GGTA1: variants seen among roughly 807,000 people sequenced by gnomAD.
GGTA1 encodes glycoprotein alpha-galactosyltransferase 1 (inactive), also known as inactive N-acetyllactosaminide alpha-1,3-galactosyltransferase.
In GGTA1, 5 loss-of-function variants were observed where a neutral mutation model predicts 2.6. The observed-to-expected ratio is 1.92, with a 90% confidence interval of 1.00 to 4.04. The LOEUF is 4.04. GGTA1 is among the 30% of genes most tolerant of loss of function. The pLI, the probability that GGTA1 is intolerant of heterozygous loss-of-function variation, is 0.00. For synonymous variants in GGTA1, 17 were observed against 5.0 expected (o/e 3.38, Z -3.19); for missense variants, 50 against 16.7 (o/e 2.99, Z -3.47).
intron 7 of GGTA1, among the ~76,000 whole-genome samples, chr9:121,449,612 C>A (rs1452520611): frequency 2.0e-5 from 3 of 151,996 alleles, no homozygotes; most frequent in Non-Finnish European, 4.4e-5. Flanking sequence ...GAGGCCGAGG[C>A]GGGTGGATCA....
chr9:121,485,271 C>T (rs1035216154), intron 1 of GGTA1, among the ~76,000 whole-genome samples: 1 of 152,122 alleles, frequency 6.6e-6, no homozygotes, highest in Non-Finnish European at 1.5e-5. Flanking sequence ...TCAGTGCTGG[C>T]TACAAGGCAG....
downstream of GGTA1, among the ~76,000 whole-genome samples, chr9:121,453,917 C>A (rs988837327): frequency 1.3e-5 from 2 of 152,256 alleles, no homozygotes; most frequent in East Asian, 3.9e-4. Flanking sequence ...TGTCCCTTGT[C>A]CCCAAACGCT....
At chr9:121,450,911 G>A (rs1010199738), downstream of GGTA1, among the ~76,000 whole-genome samples, 3 of 152,140 alleles carry the variant, frequency 2.0e-5, no homozygotes, top group African/African-American at 7.2e-5. Context: ...GTTGGGGAAG[G>A]TTATCTTTGG....
chr9:121,466,998 A>G (rs1044502148), intron 2 of GGTA1, among the ~76,000 whole-genome samples: 8 of 151,964 alleles, frequency 5.3e-5, no homozygotes, highest in African/African-American at 1.9e-4. Context: ...TCGAATGTTA[A>G]TCCAGGCTAC....
At chr9:121,464,139 T>C (rs890444596) in intron 2 of GGTA1, among the ~76,000 whole-genome samples, 2 of 152,196 alleles carry the variant, frequency 1.3e-5, no homozygotes, top group African/African-American at 2.4e-5. Context: ...AATATCCACA[T>C]TGCAGTGGCT....
At chr9:121,498,871 A>AT (rs1202065816) in intron 1 of GGTA1, among the ~76,000 whole-genome samples, 1 of 146,456 alleles carries the variant, frequency 6.8e-6, no homozygotes, top group African/African-American at 2.5e-5. Flanking sequence ...GCGCGCTGAC[A>AT]TTTTTTTCTT....
At chr9:121,459,464 A>T (rs960364565) in intron 5 of GGTA1, among the ~76,000 whole-genome samples, 1 of 151,388 alleles carries the variant, frequency 6.6e-6, no homozygotes, top group African/African-American at 2.4e-5. Flanking sequence ...AAATCAAATG[A>T]AAAAAAAGGA....
chr9:121,465,304 A>C (rs537360614), intron 2 of GGTA1, among the ~76,000 whole-genome samples: 81 of 152,386 alleles, frequency 5.3e-4, no homozygotes, highest in Non-Finnish European at 9.7e-4. Context: ...CCAAGCAGAC[A>C]TTCCGACTCC....
At chr9:121,459,190 C>G (rs1477469233) in intron 5 of GGTA1, among the ~76,000 whole-genome samples, 2 of 152,164 alleles carry the variant, frequency 1.3e-5, no homozygotes, top group African/African-American at 2.4e-5. Flanking sequence ...GGCATGGTGG[C>G]TCACACCTGT....
At chr9:121,450,639 A>G (rs1199272606), downstream of GGTA1, among the ~76,000 whole-genome samples, 3 of 152,196 alleles carry the variant, frequency 2.0e-5, no homozygotes, top group Non-Finnish European at 4.4e-5. Flanking sequence ...TTTTGGAAAC[A>G]CCAGGATCAA....
At chr9:121,491,223 CAGG>C (rs1317800122) in intron 1 of GGTA1, among the ~76,000 whole-genome samples, 1 of 152,220 alleles carries the variant, frequency 6.6e-6, no homozygotes, top group Admixed American at 6.5e-5. Flanking sequence ...CCACAGATGC[CAGG>C]AGAATTCCTC....
chr9:121,461,436 A>G, intron 3 of GGTA1, 119 bp from the exon 4 acceptor site: 3 of 378,424 alleles, frequency 7.9e-6, no homozygotes, highest in South Asian at 6.1e-5. Flanking sequence ...TTAAAATGCC[A>G]ATTTATAAAA....
chr9:121,457,381 A>G (rs576504965), intron 5 of GGTA1, among the ~76,000 whole-genome samples: 3 of 152,316 alleles, frequency 2.0e-5, no homozygotes, highest in Non-Finnish European at 4.4e-5. Flanking sequence ...ACCTAATGCC[A>G]TGAAAATGGA....
intron 2 of GGTA1, among the ~76,000 whole-genome samples, chr9:121,463,874 A>T (rs2064980918): frequency 6.6e-6 from 1 of 152,108 alleles, no homozygotes; most frequent in Non-Finnish European, 1.5e-5. Flanking sequence ...AGAAAAAAAA[A>T]GCATCAACTG....
chr9:121,449,839 CAAA>C (rs35123086), intron 7 of GGTA1, among the ~76,000 whole-genome samples: 5 of 94,358 alleles, frequency 5.3e-5, no homozygotes, highest in African/African-American at 1.3e-4. Context: ...GACTCCATCT[CAAA>C]AAAAAAAAAA....
rs190028311 is a variant in GGTA1, at chr9:121,488,269, C to T, written c.-10+11381G>A. Among the ~76,000 whole-genome samples, 110 of 152,206 alleles carry T rather than the reference C, an allele frequency of 7.2e-4. 1 individual carries two copies. The East Asian group carries it at 0.012, about 17-fold the overall frequency. On this transcript the variant is annotated intron_variant, in intron 1 of 5. Coordinates refer to ENST00000481799, the MANE Select transcript of GGTA1 (RefSeq NM_001382585.1). Reference sequence around the variant, plus strand: ...GCCTCAAGCAATCCTCCCGCCTTAGCCTGTTAGGATGTGAACTCTTGAAGT... The same window carrying T: ...GCCTCAAGCAATCCTCCCGCCTTAGTCTGTTAGGATGTGAACTCTTGAAGT...
At position 121,499,796 on chromosome 9, in the gene GGTA1, C is replaced by T. The variant is rs1329059352; in HGVS notation, c.-156G>A. 2 of 152,052 alleles carry T rather than the reference C, an allele frequency of 1.3e-5. No individual in the cohort carries two copies. The highest frequency in any genetic ancestry group is 2.4e-5 in the African/African-American group (1 of 41,432). The allele number at this position is 152,052 out of a possible 1,614,324, so 9.4% of individuals were successfully genotyped here. On this transcript the variant is annotated 5_prime_UTR_variant, in exon 1 of 6. Coordinates refer to ENST00000481799, the MANE Select transcript of GGTA1 (RefSeq NM_001382585.1). ...GCCCGAGCGGAGGCGCGTCCTCCCG[C>T]CCGTGGGCCGGCCGGCCGGGCTTCT... is the stretch of plus-strand genomic sequence containing the variant.
intron 1 of GGTA1, 87 bp from the exon 2 acceptor site, chr9:121,468,018 C>G (rs531873231): frequency 2.4e-5 from 10 of 409,048 alleles, no homozygotes; most frequent in Non-Finnish European, 2.9e-5. Flanking sequence ...GCTTTTACCC[C>G]GTTCTTTTTT....
chr9:121,447,276 C>CTGA (rs1482228796), exon 8 of GGTA1: 2 of 152,650 alleles, frequency 1.3e-5, no homozygotes, highest in Admixed American at 1.3e-4. Flanking sequence ...CAGCCTGTAG[C>CTGA]TGAGCCACTG....
Sources: gnomAD v4.1 joint callset for allele counts (sites outside exome capture counted in the v4.1 genomes callset) on GRCh38, gnomAD v4.1.1 for gene constraint, MANE v1.5 for transcripts, NCBI Gene and HGNC (gene_info 2026-07-23, HGNC 2026-07-21) for gene names.